The following DPF3 variants were observed in gnomAD, a reference collection of about 807,000 sequenced individuals.
The protein encoded by DPF3 is double PHD fingers 3, also known as zinc finger protein DPF3.
In DPF3, 18 loss-of-function variants were observed where a neutral mutation model predicts 56.8. The observed-to-expected ratio is 0.32, with a 90% CI of 0.22 to 0.47. The LOEUF is 0.47. DPF3 is among the 20% of genes least tolerant of loss of function. DPF3 has a pLI of 1.00. For missense variants in DPF3, 403 were observed against 488.8 expected (o/e 0.82, Z 1.65); for synonymous variants, 188 against 180.2 (o/e 1.04, Z -0.35).
intron 1 of DPF3, among the ~76,000 whole-genome samples, chr14:72,813,189 A>G (rs561435602): frequency 6.6e-6 from 1 of 152,192 alleles, no homozygotes; most frequent in Admixed American, 6.5e-5. Flanking sequence ...GTTTTGAGAG[A>G]GTCAGGAGAG....
chr14:72,871,695 A>T (rs1335974500), intron 1 of DPF3, among the ~76,000 whole-genome samples: 1 of 152,098 alleles, frequency 6.6e-6, no homozygotes, highest in Non-Finnish European at 1.5e-5. Flanking sequence ...GCACTTTGGG[A>T]GGGTGAGGCA....
At chr14:72,629,310 C>T (rs1885026562) in intron 9 of DPF3, among the ~76,000 whole-genome samples, 1 of 152,182 alleles carries the variant, frequency 6.6e-6, no homozygotes, top group Admixed American at 6.5e-5. Flanking sequence ...ATTCTCTCTG[C>T]CTTTGTATAT....
intron 1 of DPF3, among the ~76,000 whole-genome samples, chr14:72,848,694 G>A (rs1396956949): frequency 6.6e-6 from 1 of 152,200 alleles, no homozygotes; most frequent in East Asian, 1.9e-4. Flanking sequence ...CTCAAGCTGT[G>A]CAGGTGTCCC....
intron 1 of DPF3, among the ~76,000 whole-genome samples, chr14:72,844,626 G>C (rs192687347): frequency 2.0e-4 from 31 of 151,812 alleles, no homozygotes; most frequent in African/African-American, 6.5e-4. Context: ...ACACACTCAC[G>C]CACAAACACA....
intron 6 of DPF3, among the ~76,000 whole-genome samples, chr14:72,707,478 A>G (rs1241149547): frequency 6.6e-6 from 1 of 152,252 alleles, no homozygotes; most frequent in Non-Finnish European, 1.5e-5. Flanking sequence ...CTGTCTAAAC[A>G]TCTAACAGTA....
intron 1 of DPF3, among the ~76,000 whole-genome samples, chr14:72,805,151 A>G (rs1882706252): frequency 6.6e-6 from 1 of 152,164 alleles, no homozygotes; most frequent in African/African-American, 2.4e-5. Context: ...CCATGACTGA[A>G]GAAGGGGGAA....
chr14:72,773,051 G>A (rs559435337), intron 1 of DPF3, among the ~76,000 whole-genome samples: 3 of 151,892 alleles, frequency 2.0e-5, no homozygotes, highest in Non-Finnish European at 4.4e-5. Context: ...AAAATGAGAG[G>A]GGAAGTCTCT....
intron 7 of DPF3, among the ~76,000 whole-genome samples, chr14:72,677,875 C>T (rs1886982754): frequency 6.6e-6 from 1 of 152,088 alleles, no homozygotes; most frequent in Admixed American, 6.5e-5. Context: ...CATTCTGCAC[C>T]AAACACACAA....
At chr14:72,668,189 G>C (rs117211333) in intron 8 of DPF3, among the ~76,000 whole-genome samples, 1 of 152,128 alleles carries the variant, frequency 6.6e-6, no homozygotes, top group Admixed American at 6.6e-5. Flanking sequence ...TTCCTCATCC[G>C]ACACCTTCTC....
In DPF3 at chr14:72,720,150, G is replaced by T. The variant is rs567000246; in HGVS notation, c.525+3483C>A. The stretch of plus-strand genomic sequence containing the variant: ...CTCTAGGTTCTGACAAGACAAATGG[G>T]CATAGTTGTTCTCCAGTGCCAGCAG... On this transcript the variant is annotated intron_variant, in intron 5 of 10. Coordinates refer to ENST00000556509, the MANE Select transcript of DPF3 (RefSeq NM_001280542.3). Among the ~76,000 whole-genome samples, 9 of 152,124 alleles carry T rather than the reference G, an allele frequency of 5.9e-5. No homozygotes were observed. In the South Asian group the frequency reaches 1.9e-3, roughly 32 times the overall value.
intron 8 of DPF3, chr14:72,662,226 A>T (rs2153569364): frequency 1.0e-6 from 1 of 985,446 alleles, no homozygotes; most frequent in East Asian, 1.1e-4. Flanking sequence ...ACATACATGA[A>T]TGGCTTTTTA....
intron 1 of DPF3, among the ~76,000 whole-genome samples, chr14:72,861,269 G>T (rs953715526): frequency 6.6e-6 from 1 of 152,060 alleles, no homozygotes; most frequent in African/African-American, 2.4e-5. Context: ...GCTCTATTCA[G>T]AACTGTGACA....
At chr14:72,792,362 C>T (rs1364818028) in intron 1 of DPF3, among the ~76,000 whole-genome samples, 2 of 151,986 alleles carry the variant, frequency 1.3e-5, no homozygotes, top group Admixed American at 6.6e-5. Flanking sequence ...CTGAGAACAC[C>T]GCTCAAGATC....
intron 6 of DPF3, among the ~76,000 whole-genome samples, chr14:72,713,366 A>G (rs149889151): frequency 6.6e-6 from 1 of 152,326 alleles, no homozygotes; most frequent in Non-Finnish European, 1.5e-5. Context: ...AGGCCAGTGA[A>G]GGGGGAGACA....
At chr14:72,678,543 G>GC (rs1887014969) in intron 7 of DPF3, among the ~76,000 whole-genome samples, 1 of 152,192 alleles carries the variant, frequency 6.6e-6, no homozygotes, top group South Asian at 2.1e-4. Context: ...GGCTAGGTTG[G>GC]CCTATGGCCT....
chr14:72,708,300 T>C (rs1041025162), intron 6 of DPF3, among the ~76,000 whole-genome samples: 6 of 152,178 alleles, frequency 3.9e-5, no homozygotes, highest in African/African-American at 1.2e-4. Context: ...CACAATGGCA[T>C]TTAAATATTT....
At chr14:72,762,691 A>G (rs1468959699) in intron 2 of DPF3, among the ~76,000 whole-genome samples, 1 of 152,040 alleles carries the variant, frequency 6.6e-6, no homozygotes, top group Non-Finnish European at 1.5e-5. Flanking sequence ...CAGGAACAAC[A>G]TAAGGGTGTC....
intron 1 of DPF3, among the ~76,000 whole-genome samples, chr14:72,832,798 G>T (rs1162149586): frequency 6.6e-6 from 1 of 152,062 alleles, no homozygotes; most frequent in African/African-American, 2.4e-5. Flanking sequence ...GGCCATACTG[G>T]GTCCATAATC....
Position 72,684,671 on chromosome 14 carries a change from G to C in DPF3, c.742+8405C>G, listed in dbSNP as rs1172604963. Among the ~76,000 whole-genome samples, 3 of 152,046 alleles carry C rather than the reference G, an allele frequency of 2.0e-5. No homozygotes were observed. In the East Asian group the frequency reaches 5.8e-4, roughly 29 times the overall value. On this transcript the variant is annotated intron_variant, in intron 7 of 10. Coordinates refer to ENST00000556509, the MANE Select transcript of DPF3 (RefSeq NM_001280542.3). ...CATTTACCAATTAAAGTATGACCTA[G>C]AATTTGTAATGCAGGGGTGGGGTCT...
Sources: allele counts gnomAD v4.1 joint callset (sites outside exome capture counted in the v4.1 genomes callset), GRCh38; gene constraint gnomAD v4.1.1; transcripts MANE v1.5; gene names NCBI Gene and HGNC (gene_info 2026-07-23, HGNC 2026-07-21).